Variants in CDH18 observed in about 807,000 individuals in gnomAD.
CDH18 encodes the protein cadherin 18, also known as cadherin-18.
CDH18 carries 31 observed loss-of-function variants against 67.9 expected under a neutral mutation model. The observed-to-expected ratio is 0.46, with a 90% CI of 0.34 to 0.62. The LOEUF (loss-of-function observed/expected upper bound fraction) is 0.62, where lower values mean the gene tolerates loss of function less well. CDH18 is among the 20% of genes least tolerant of loss of function. The pLI is 0.01. For synonymous variants in CDH18, 362 were observed against 347.2 expected (o/e 1.04, Z -0.48); for missense variants, 890 against 975.5 (o/e 0.91, Z 1.17).
At chr5:19,894,523 GATT>G (rs1016559263) in intron 2 of CDH18, among the ~76,000 whole-genome samples, 17 of 151,872 alleles carry the variant, frequency 1.1e-4, no homozygotes, top group African/African-American at 4.1e-4. Flanking sequence ...TCATAAATTG[GATT>G]ATTTAAATTA....
chr5:20,242,888 AG>A (rs1382516201), intron 2 of CDH18, among the ~76,000 whole-genome samples: 3 of 151,824 alleles, frequency 2.0e-5, no homozygotes, highest in Non-Finnish European at 2.9e-5. Flanking sequence ...TGCCATTTTT[AG>A]TAAATTCTTC....
At chr5:19,793,906 C>G (rs532723006) in intron 3 of CDH18, among the ~76,000 whole-genome samples, 1 of 152,070 alleles carries the variant, frequency 6.6e-6, no homozygotes, top group Non-Finnish European at 1.5e-5. Flanking sequence ...GCGAAGGAAT[C>G]ACCTGTATAA....
chr5:19,531,640 A>ACACACACACAC (rs1223135857), intron 9 of CDH18, among the ~76,000 whole-genome samples: 1 of 143,824 alleles, frequency 7.0e-6, no homozygotes, highest in African/African-American at 2.5e-5. Context: ...CACACACACA[A>ACACACACACAC]ACAAAATTGG....
chr5:19,852,211 A>T (rs1340517208), intron 2 of CDH18, among the ~76,000 whole-genome samples: 2 of 151,882 alleles, frequency 1.3e-5, no homozygotes, highest in East Asian at 3.9e-4. Flanking sequence ...TTGGTTCACC[A>T]CTCATTATTA....
intron 2 of CDH18, among the ~76,000 whole-genome samples, chr5:19,965,759 C>T (rs10038300): frequency 0.13 from 19,206 of 149,494 alleles, 3,482 homozygotes; most frequent in African/African-American, 0.42. Flanking sequence ...AAGAGAGAGG[C>T]GGGTAGAAAG....
intron 2 of CDH18, among the ~76,000 whole-genome samples, chr5:19,909,689 T>C (rs1358989777): frequency 2.7e-5 from 3 of 109,556 alleles, no homozygotes; most frequent in Admixed American, 8.8e-5. Context: ...GTAGGTCAAA[T>C]GGCAAAAAAA....
intron 2 of CDH18, among the ~76,000 whole-genome samples, chr5:20,092,145 G>A (rs1306462157): frequency 2.0e-5 from 3 of 152,062 alleles, no homozygotes; most frequent in Non-Finnish European, 4.4e-5. Context: ...TCAACCGGGG[G>A]CTTGACAAAG....
chr5:20,378,477 G>A lies in CDH18; in HGVS notation c.-579-122972C>T, dbSNP rs528956967. Among the ~76,000 whole-genome samples the A allele has an allele frequency of 3.3e-5, 5 of 152,280 alleles. No homozygotes were observed. The South Asian group carries it at 8.3e-4, about 25-fold the overall frequency. On this transcript the variant is annotated intron_variant, in intron 1 of 14. Coordinates refer to the CDH18 transcript ENST00000507958. The stretch of plus-strand genomic sequence containing the variant: ...TCCAGCACTGGTCTAGGTGGACATC[G>A]TGCTGTTTAACATATTTTATCTTCG...
At chr5:20,408,690 AG>A (rs1401168675) in intron 1 of CDH18, among the ~76,000 whole-genome samples, 14 of 152,040 alleles carry the variant, frequency 9.2e-5, no homozygotes, top group Non-Finnish European at 1.9e-4. Context: ...CTAAGAACTA[AG>A]AAGAACAGAA....
At chr5:19,992,235 C>T (rs78626525), upstream of CDH18, among the ~76,000 whole-genome samples, 2,200 of 152,106 alleles carry the variant, frequency 0.014, 59 homozygotes, top group African/African-American at 0.05. Context: ...ATGAGCTTTT[C>T]TGGCTCTCAT....
chr5:20,238,279 C>T (rs1742626539), intron 2 of CDH18, among the ~76,000 whole-genome samples: 1 of 151,888 alleles, frequency 6.6e-6, no homozygotes, highest in Non-Finnish European at 1.5e-5. Flanking sequence ...AGATATATGA[C>T]AAGAAATCAA....
At chr5:19,602,290 A>G (rs1369884681) in intron 6 of CDH18, among the ~76,000 whole-genome samples, 2 of 152,200 alleles carry the variant, frequency 1.3e-5, no homozygotes, top group East Asian at 3.8e-4. Context: ...GTTACAAGAT[A>G]ATGAATAATT....
intron 3 of CDH18, among the ~76,000 whole-genome samples, chr5:19,762,087 T>C (rs1772435136): frequency 6.6e-6 from 1 of 152,086 alleles, no homozygotes; most frequent in Non-Finnish European, 1.5e-5. Context: ...ACACAAAAAT[T>C]AATTCAAGAT....
At chr5:19,914,587 T>C (rs555769636) in intron 2 of CDH18, among the ~76,000 whole-genome samples, 1 of 152,258 alleles carries the variant, frequency 6.6e-6, no homozygotes, top group South Asian at 2.1e-4. Flanking sequence ...TGTATATGTA[T>C]ATATCCACAC....
chr5:20,213,425 C>T lies in CDH18; in HGVS notation c.-518+42019G>A, dbSNP rs181085040. On this transcript the variant is annotated intron_variant, in intron 2 of 14. Transcript: ENST00000507958. ...GAGTTAGGGAGAATTCCCTTTTAGT[C>T]GAATTTTTGGAATACTTTCAGTAGG... Among the ~76,000 whole-genome samples, 24 of 152,074 alleles carry T rather than the reference C, an allele frequency of 1.6e-4. No homozygotes were observed. In the East Asian group the frequency reaches 2.7e-3, roughly 17 times the overall value.
At chr5:19,824,620 C>T (rs888402468) in intron 3 of CDH18, among the ~76,000 whole-genome samples, 2 of 152,158 alleles carry the variant, frequency 1.3e-5, no homozygotes, top group Non-Finnish European at 2.9e-5. Context: ...CCATATCCCC[C>T]GTAGAGGCCC....
intron 2 of CDH18, among the ~76,000 whole-genome samples, chr5:19,839,521 C>G (rs1228726321): frequency 6.6e-6 from 1 of 152,038 alleles, no homozygotes; most frequent in African/African-American, 2.4e-5. Context: ...CATGAATTAC[C>G]TACTGTATAA....
At chr5:20,081,203 G>T (rs1744438962) in intron 2 of CDH18, among the ~76,000 whole-genome samples, 1 of 152,004 alleles carries the variant, frequency 6.6e-6, no homozygotes, top group Non-Finnish European at 1.5e-5. Context: ...TCAAAGTAAG[G>T]TCAGTGTTTT....
chr5:19,570,427 GCTTCA>G (rs1204445147), intron 8 of CDH18, among the ~76,000 whole-genome samples: 5 of 152,114 alleles, frequency 3.3e-5, no homozygotes, highest in African/African-American at 1.2e-4. Context: ...ACAGAAAATT[GCTTCA>G]CTACATGCAT....
Sources: gnomAD v4.1 joint callset for allele counts (sites outside exome capture counted in the v4.1 genomes callset) on GRCh38, gnomAD v4.1.1 for gene constraint, MANE v1.5 for transcripts, NCBI Gene and HGNC (gene_info 2026-07-23, HGNC 2026-07-21) for gene names.